Variants in WLS observed in about 807,000 individuals in gnomAD.
WLS encodes Wnt ligand secretion mediator, also known as protein wntless homolog.
Under a neutral mutation model 62.8 loss-of-function variants are expected in WLS, and 23 were observed. That is an observed-to-expected ratio of 0.37 (90% CI 0.26 to 0.52). The LOEUF (loss-of-function observed/expected upper bound fraction) is 0.52. Ranked by LOEUF, WLS falls within the 20% of genes least tolerant of loss-of-function variation. WLS has a pLI of 0.92. For synonymous variants in WLS, 246 were observed against 244.1 expected, an observed-to-expected ratio of 1.01 and a Z score of -0.07; for missense variants, 615 against 697.3, an observed-to-expected ratio of 0.88 and a Z score of 1.33.
chr1:68,179,220 C>T lies in WLS; in HGVS notation c.379+14735G>A, dbSNP rs140452217. On this transcript the variant is annotated intron_variant, in intron 2 of 11. Coordinates refer to ENST00000262348, the MANE Select transcript of WLS (RefSeq NM_024911.7). ...TCTCTGAAGTCATCTATTTACAAAA[C>T]CAAAGGATACCAATGAGATTTTTTA... Among the ~76,000 whole-genome samples the T allele has an allele frequency of 4.1e-3, 624 of 152,280 alleles. 3 individuals carry two copies. The highest frequency in any genetic ancestry group is 0.014 in the African/African-American group (575 of 41,550).
intron 11 of WLS, among the ~76,000 whole-genome samples, chr1:68,101,885 A>T (rs1306489935): frequency 6.6e-6 from 1 of 152,264 alleles, no homozygotes; most frequent in Non-Finnish European, 1.5e-5. Context: ...ATACGCTCTT[A>T]AAATTTCAAT....
intron 10 of WLS, 30 bp downstream of exon 10, chr1:68,144,539 T>C: frequency 6.2e-7 from 1 of 1,601,496 alleles, no homozygotes; most frequent in Non-Finnish European, 8.6e-7. Context: ...GCAGAGACAT[T>C]CTCACCTTGA....
At chr1:68,100,347 G>GT (rs1441749563) in intron 11 of WLS, among the ~76,000 whole-genome samples, 6 of 152,132 alleles carry the variant, frequency 3.9e-5, no homozygotes, top group Non-Finnish European at 8.8e-5. Context: ...CCTTCCCAGA[G>GT]TGTCCACAGG....
At chr1:68,182,272 T>C (rs1189016963) in intron 2 of WLS, among the ~76,000 whole-genome samples, 9 of 152,236 alleles carry the variant, frequency 5.9e-5, no homozygotes, top group Admixed American at 3.9e-4. Flanking sequence ...TCTATAGCGA[T>C]GCCTATGGAG....
At chr1:68,193,074 A>G (rs2033345) in intron 2 of WLS, among the ~76,000 whole-genome samples, 33,607 of 151,346 alleles carry the variant, frequency 0.22, 3,914 homozygotes, top group East Asian at 0.29. Context: ...GAGCCACTGC[A>G]CTCCAGCCTG....
chr1:68,147,767 G>C (rs1646771534), intron 8 of WLS, among the ~76,000 whole-genome samples: 1 of 152,200 alleles, frequency 6.6e-6, no homozygotes, highest in Non-Finnish European at 1.5e-5. Flanking sequence ...GGTGGTTTCA[G>C]AAACAGGCTC....
chr1:68,204,725 AT>A (rs1436912420), intron 1 of WLS, among the ~76,000 whole-genome samples: 1 of 152,130 alleles, frequency 6.6e-6, no homozygotes, highest in African/African-American at 2.4e-5. Context: ...CCTTCATTCA[AT>A]TTGTTAAATG....
At chr1:68,198,211 A>G (rs1471611454) in intron 1 of WLS, among the ~76,000 whole-genome samples, 2 of 152,196 alleles carry the variant, frequency 1.3e-5, no homozygotes, top group Non-Finnish European at 2.9e-5. Context: ...TTTGGCCAAA[A>G]CTAAATATGC....
At chr1:68,186,645 C>T (rs954602016) in intron 2 of WLS, 6 of 456,020 alleles carry the variant, frequency 1.3e-5, no homozygotes, top group African/African-American at 1.0e-4. Flanking sequence ...AAGTCCTGTT[C>T]ATTGCTGTCA....
chr1:68,112,725 G>A (rs754908907), intron 11 of WLS, among the ~76,000 whole-genome samples: 7 of 152,122 alleles, frequency 4.6e-5, no homozygotes, highest in African/African-American at 1.4e-4. Flanking sequence ...CCGACTGCAC[G>A]GTTCATGTAT....
At chr1:68,213,702 T>C (rs1246188323) in intron 1 of WLS, among the ~76,000 whole-genome samples, 1 of 152,052 alleles carries the variant, frequency 6.6e-6, no homozygotes, top group Non-Finnish European at 1.5e-5. Flanking sequence ...AAAAAAAAAT[T>C]ATCTGATCTA....
chr1:68,190,812 C>T (rs188672256), intron 2 of WLS, among the ~76,000 whole-genome samples: 297 of 152,310 alleles, frequency 1.9e-3, no homozygotes, highest in African/African-American at 6.8e-3. Flanking sequence ...AATCCCAGCA[C>T]TTTGGGAGGC....
intron 1 of WLS, among the ~76,000 whole-genome samples, chr1:68,200,762 A>C (rs1648968782): frequency 6.6e-6 from 1 of 152,246 alleles, no homozygotes; most frequent in African/African-American, 2.4e-5. Context: ...AATGGTATTT[A>C]TAAGAACTAA....
intron 11 of WLS, among the ~76,000 whole-genome samples, chr1:68,119,010 C>G (rs1330940362): frequency 2.7e-5 from 4 of 148,634 alleles, no homozygotes; most frequent in African/African-American, 9.9e-5. Context: ...CAGTGATGTA[C>G]AAAAAAGATT....
chr1:68,159,082 A>C (rs1298176666), intron 3 of WLS, 41 bp downstream of exon 3: 1 of 1,610,698 alleles, frequency 6.2e-7, no homozygotes, highest in Non-Finnish European at 8.5e-7. Context: ...ATACCTGAGA[A>C]CCAAATAAAA....
intron 1 of WLS, among the ~76,000 whole-genome samples, chr1:68,199,278 C>G (rs1369846619): frequency 6.6e-6 from 1 of 152,118 alleles, no homozygotes; most frequent in Non-Finnish European, 1.5e-5. Context: ...GCCTCCCAGA[C>G]CCCCATTTGC....
chr1:68,121,940 G>A (rs1451467749), downstream of WLS, among the ~76,000 whole-genome samples: 1 of 152,144 alleles, frequency 6.6e-6, no homozygotes. Context: ...GTTTCTCTGT[G>A]AATTTATTCC....
chr1:68,223,790 C>G (rs555566952), intron 1 of WLS, among the ~76,000 whole-genome samples: 1 of 152,230 alleles, frequency 6.6e-6, no homozygotes, highest in Non-Finnish European at 1.5e-5. Flanking sequence ...ATTGAGGCCA[C>G]AGGTTGTCTG....
chr1:68,182,156 A>G (rs555612059), intron 2 of WLS, among the ~76,000 whole-genome samples: 9 of 152,320 alleles, frequency 5.9e-5, no homozygotes, highest in African/African-American at 1.9e-4. Flanking sequence ...CAAACTATAG[A>G]TACTAATTTT....
Sources: gnomAD v4.1 joint callset for allele counts (sites outside exome capture counted in the v4.1 genomes callset) on GRCh38, gnomAD v4.1.1 for gene constraint, MANE v1.5 for transcripts, NCBI Gene and HGNC (gene_info 2026-07-23, HGNC 2026-07-21) for gene names.